Variants in INSL6 observed in about 807,000 individuals in gnomAD.
INSL6 encodes the protein insulin like 6.
In INSL6, 16 loss-of-function variants were observed where a neutral mutation model predicts 9.4. That is an observed-to-expected ratio of 1.70 (90% CI 1.15 to 2.59). The LOEUF (loss-of-function observed/expected upper bound fraction) is 2.59, where lower values mean the gene tolerates loss of function less well. Among genes scored for constraint, INSL6 ranks in the 30% most tolerant of loss-of-function variants. The probability of loss-of-function intolerance (pLI) is 0.00; values close to 1 mark genes in which losing one functional copy is unlikely to be tolerated. For missense variants in INSL6, 391 were observed against 257.3 expected, an observed-to-expected ratio of 1.52 and a Z score of -3.56; for synonymous variants, 154 against 96.9, an observed-to-expected ratio of 1.59 and a Z score of -3.46.
the INSL6 span, among the ~76,000 whole-genome samples, chr9:5,071,741 A>G: frequency 1.3e-5 from 2 of 152,184 alleles, no homozygotes; most frequent in Non-Finnish European, 2.9e-5. Context: ...CCAGAATGGT[A>G]AAGACAAGCA....
chr9:5,161,407 T>G (rs530332932), downstream of INSL6, among the ~76,000 whole-genome samples: 12 of 152,258 alleles, frequency 7.9e-5, no homozygotes, highest in African/African-American at 2.9e-4. Context: ...CTCAAAAAAT[T>G]GAGTATAGAA....
chr9:5,145,575 C>A (rs998592320), intron 2 of INSL6, among the ~76,000 whole-genome samples: 3 of 152,158 alleles, frequency 2.0e-5, no homozygotes, highest in Non-Finnish European at 2.9e-5. Flanking sequence ...CCACTCTTCC[C>A]AGCTCTTTCA....
chr9:5,160,602 T>C (rs1366805435), downstream of INSL6, among the ~76,000 whole-genome samples: 2 of 151,890 alleles, frequency 1.3e-5, no homozygotes, highest in Non-Finnish European at 2.9e-5. Context: ...ATAAACATCA[T>C]AGCATAAATA....
the INSL6 span, among the ~76,000 whole-genome samples, chr9:5,045,850 G>T: frequency 1.3e-5 from 2 of 152,072 alleles, no homozygotes; most frequent in East Asian, 3.8e-4. Context: ...CTGTGAACAT[G>T]GGTAAACAAA....
At chr9:5,157,100 G>A (rs1217611170) in intron 2 of INSL6, among the ~76,000 whole-genome samples, 1 of 152,046 alleles carries the variant, frequency 6.6e-6, no homozygotes, top group African/African-American at 2.4e-5. Flanking sequence ...ACAAAATATT[G>A]CTGAAATTAA....
In INSL6 at chr9:5,185,617, G is replaced by A. The variant is rs374291880; in HGVS notation, c.-15C>T. 8.2e-5 allele frequency: 132 copies of A among 1,606,506 alleles called. No homozygotes were observed. In the African/African-American group the frequency reaches 1.4e-3, roughly 17 times the overall value. ...AGCCGCGGCATCCCTGTGACCCCAG[G>A]CTAGTCCTCCGCGTTGTGCAATGGC... On this transcript the variant is annotated 5_prime_UTR_variant, in exon 1 of 2. Coordinates refer to ENST00000381641, the MANE Select transcript of INSL6 (RefSeq NM_007179.3).
the INSL6 span, among the ~76,000 whole-genome samples, chr9:5,081,452 A>C: frequency 6.6e-6 from 1 of 152,186 alleles, no homozygotes; most frequent in Non-Finnish European, 1.5e-5. Context: ...CCTTTCTCAC[A>C]ATAAGTATCA....
chr9:5,112,673 G>A, the INSL6 span: 10 of 949,012 alleles, frequency 1.1e-5, no homozygotes, highest in South Asian at 6.0e-5. Flanking sequence ...GCACCAGGCC[G>A]TCTCGGTCAT....
downstream of INSL6, among the ~76,000 whole-genome samples, chr9:5,162,080 A>C (rs1384615415): frequency 6.6e-6 from 1 of 152,160 alleles, no homozygotes; most frequent in Non-Finnish European, 1.5e-5. Flanking sequence ...CTCAAAAAAA[A>C]AAAAGGATAA....
At chr9:5,092,695 GA>G in the INSL6 span, among the ~76,000 whole-genome samples, 22 of 152,122 alleles carry the variant, frequency 1.4e-4, no homozygotes, top group Non-Finnish European at 2.6e-4. Context: ...CAAGTCCCCC[GA>G]AACCAAATGA....
At chr9:5,126,036 A>T in intron 3 of INSL6, 1 of 212,094 alleles carries the variant, frequency 4.7e-6, no homozygotes, top group African/African-American at 2.3e-5. Context: ...ATATGATAAA[A>T]ATATGAGTTT....
At chr9:4,994,300 A>G in the INSL6 span, among the ~76,000 whole-genome samples, 1 of 152,242 alleles carries the variant, frequency 6.6e-6, no homozygotes, top group African/African-American at 2.4e-5. Context: ...TATTGAAGAC[A>G]GTGAGGATTA....
the INSL6 span, chr9:5,085,753 C>T: frequency 2.4e-5 from 18 of 755,140 alleles, no homozygotes; most frequent in Admixed American, 3.0e-4. Context: ...CGCTGGCTAG[C>T]TTGCACATGT....
At chr9:5,098,869 T>C in the INSL6 span, 2 of 152,234 alleles carry the variant, frequency 1.3e-5, no homozygotes, top group Non-Finnish European at 2.9e-5. Flanking sequence ...AATTTTTTTG[T>C]ATTTTTAGTA....
intron 2 of INSL6, among the ~76,000 whole-genome samples, chr9:5,142,197 G>C (rs1056858134): frequency 1.5e-4 from 23 of 151,998 alleles, no homozygotes; most frequent in African/African-American, 5.6e-4. Context: ...TTGGCTATTT[G>C]GCTCTTTTTT....
chr9:5,103,888 T>C, the INSL6 span, among the ~76,000 whole-genome samples: 1 of 152,122 alleles, frequency 6.6e-6, no homozygotes, highest in Non-Finnish European at 1.5e-5. Context: ...AGACACAGCA[T>C]ACCAGAATCT....
At chr9:5,026,328 G>C in the INSL6 span, among the ~76,000 whole-genome samples, 2 of 152,096 alleles carry the variant, frequency 1.3e-5, no homozygotes, top group Non-Finnish European at 2.9e-5. Context: ...TTATTTGGAA[G>C]TTATTTGTAA....
chr9:5,139,946 C>T (rs1824464957), intron 2 of INSL6, among the ~76,000 whole-genome samples: 1 of 152,066 alleles, frequency 6.6e-6, no homozygotes, highest in African/African-American at 2.4e-5. Context: ...GATGTCTTTT[C>T]AAGGGATTGT....
At chr9:5,101,338 C>T in the INSL6 span, among the ~76,000 whole-genome samples, 14 of 152,246 alleles carry the variant, frequency 9.2e-5, no homozygotes, top group South Asian at 4.1e-4. Context: ...GAGGGGCGTC[C>T]GCCATTGCTG....
Sources: allele counts gnomAD v4.1 joint callset (sites outside exome capture counted in the v4.1 genomes callset), GRCh38; gene constraint gnomAD v4.1.1; transcripts MANE v1.5; gene names NCBI Gene and HGNC (gene_info 2026-07-23, HGNC 2026-07-21).